The following FRMD6 variants were observed in gnomAD, a reference collection of about 807,000 sequenced individuals.
FRMD6 encodes FERM domain-containing protein 6.
Under a neutral mutation model 73.2 loss-of-function variants are expected in FRMD6, and 37 were observed. That is an observed-to-expected ratio of 0.51 (90% CI 0.39 to 0.66). FRMD6 has a LOEUF of 0.66. Ranked by LOEUF, FRMD6 falls within the 30% of genes least tolerant of loss-of-function variation. The pLI, the probability that FRMD6 is intolerant of heterozygous loss-of-function variation, is 0.00. For synonymous variants in FRMD6, 273 were observed against 282.2 expected, an observed-to-expected ratio of 0.97 and a Z score of 0.33; for missense variants, 714 against 780.5, an observed-to-expected ratio of 0.91 and a Z score of 1.02.
the FRMD6 span, among the ~76,000 whole-genome samples, chr14:51,425,291 C>G: frequency 6.6e-6 from 1 of 152,150 alleles, no homozygotes; most frequent in Non-Finnish European, 1.5e-5. Context: ...TCCACCACCT[C>G]GGTTCACAAG....
upstream of FRMD6, among the ~76,000 whole-genome samples, chr14:51,486,173 T>C (rs1327329083): frequency 6.6e-6 from 1 of 152,120 alleles, no homozygotes; most frequent in Non-Finnish European, 1.5e-5. Flanking sequence ...TAGCTGGGAC[T>C]ACAGGCGCCC....
chr14:51,538,879 C>T (rs1296336083), intron 1 of FRMD6, among the ~76,000 whole-genome samples: 1 of 152,100 alleles, frequency 6.6e-6, no homozygotes, highest in Non-Finnish European at 1.5e-5. Flanking sequence ...TTAGGATTAT[C>T]TTGTCTATTT....
intron 10 of FRMD6, among the ~76,000 whole-genome samples, chr14:51,716,238 T>C (rs1439760540): frequency 6.6e-6 from 1 of 152,068 alleles, no homozygotes; most frequent in African/African-American, 2.4e-5. Context: ...CTGGATTTCC[T>C]CCATTTAACA....
At chr14:51,619,758 T>A (rs1023539369) in intron 2 of FRMD6, among the ~76,000 whole-genome samples, 1 of 152,224 alleles carries the variant, frequency 6.6e-6, no homozygotes, top group Non-Finnish European at 1.5e-5. Flanking sequence ...AGCTACTTTG[T>A]ATGCTTTTTG....
chr14:51,466,181 T>C, the FRMD6 span, among the ~76,000 whole-genome samples: 3 of 152,206 alleles, frequency 2.0e-5, no homozygotes, highest in Non-Finnish European at 4.4e-5. Flanking sequence ...TGGATACAAG[T>C]CTTTTATATA....
At chr14:51,507,727 G>C (rs1218249703) in intron 1 of FRMD6, among the ~76,000 whole-genome samples, 1 of 151,732 alleles carries the variant, frequency 6.6e-6, no homozygotes, top group Non-Finnish European at 1.5e-5. Flanking sequence ...ACTCCAGAGT[G>C]AGTGTTTGTT....
intron 1 of FRMD6, among the ~76,000 whole-genome samples, chr14:51,677,820 T>C (rs1894502304): frequency 6.6e-6 from 1 of 152,176 alleles, no homozygotes; most frequent in Non-Finnish European, 1.5e-5. Context: ...TGTTCAGTGC[T>C]GAAGGACTTG....
At chr14:51,520,682 G>A (rs1313564360) in intron 1 of FRMD6, among the ~76,000 whole-genome samples, 1 of 152,156 alleles carries the variant, frequency 6.6e-6, no homozygotes, top group African/African-American at 2.4e-5. Context: ...TGGGTCCCTT[G>A]AGCCCAGGAG....
At chr14:51,649,933 A>AT (rs1426354918), upstream of FRMD6, 1 of 152,058 alleles carries the variant, frequency 6.6e-6, no homozygotes, top group East Asian at 1.9e-4. Flanking sequence ...AAATTTATTT[A>AT]TTTTTTATTT....
chr14:51,433,038 G>C, the FRMD6 span, among the ~76,000 whole-genome samples: 3 of 152,182 alleles, frequency 2.0e-5, no homozygotes, highest in African/African-American at 7.2e-5. Context: ...TGCCTGTCAG[G>C]CTGGCAAAAA....
chr14:51,479,998 A>G, the FRMD6 span, among the ~76,000 whole-genome samples: 2 of 152,208 alleles, frequency 1.3e-5, no homozygotes, highest in African/African-American at 2.4e-5. Context: ...TGATACTATA[A>G]GCAATTAATT....
chr14:51,498,037 C>G (rs991219631), intron 1 of FRMD6, among the ~76,000 whole-genome samples: 4 of 152,168 alleles, frequency 2.6e-5, no homozygotes, highest in Non-Finnish European at 4.4e-5. Context: ...GAGGAACAGT[C>G]TTACATTCTA....
At chr14:51,564,811 A>G (rs1376462051) in intron 1 of FRMD6, among the ~76,000 whole-genome samples, 1 of 152,252 alleles carries the variant, frequency 6.6e-6, no homozygotes, top group African/African-American at 2.4e-5. Flanking sequence ...TCACTCACAG[A>G]AAGTTTATCA....
intron 2 of FRMD6, among the ~76,000 whole-genome samples, chr14:51,599,607 A>G (rs2139795441): frequency 6.6e-6 from 1 of 152,294 alleles, no homozygotes; most frequent in African/African-American, 2.4e-5. Flanking sequence ...GCAAAGGTCT[A>G]ATATCTAGAA....
chr14:51,444,173 C>A, the FRMD6 span, among the ~76,000 whole-genome samples: 2 of 152,222 alleles, frequency 1.3e-5, no homozygotes, highest in African/African-American at 4.8e-5. Flanking sequence ...AGGTGATCCA[C>A]CCGCCTTGGC....
Position 51,727,733 on chromosome 14 carries a change from C to A in FRMD6, c.1585-12C>A, listed in dbSNP as rs765557151. The A allele has an allele frequency of 6.3e-7, 1 of 1,584,060 alleles. No homozygotes were observed. The highest frequency in any genetic ancestry group is 1.7e-5 in the Admixed American group (1 of 58,280). On this transcript the variant is annotated splice_polypyrimidine_tract_variant and intron_variant, in intron 13 of 13. Transcript: ENST00000344768. ...CACTTTAAAGTTGTTTCATCCTTCC[C>A]TTATCTTGCAGACTATATGTCGGAA...
At chr14:51,615,166 T>C (rs1890660124) in intron 2 of FRMD6, among the ~76,000 whole-genome samples, 1 of 152,244 alleles carries the variant, frequency 6.6e-6, no homozygotes, top group South Asian at 2.1e-4. Context: ...CAGCCTGTTC[T>C]AGCTGCTCTG....
intron 2 of FRMD6, among the ~76,000 whole-genome samples, chr14:51,611,756 G>A (rs1890515179): frequency 6.6e-6 from 1 of 152,176 alleles, no homozygotes; most frequent in Middle Eastern, 3.2e-3. Context: ...TGTTAATGCT[G>A]TCATACTACC....
chr14:51,637,791 A>G (rs1215578709), intron 2 of FRMD6: 2 of 152,258 alleles, frequency 1.3e-5, no homozygotes, highest in African/African-American at 4.8e-5. Flanking sequence ...TTAAATTCAC[A>G]AAACAAGTTG....
Sources: gnomAD v4.1 joint callset for allele counts (sites outside exome capture counted in the v4.1 genomes callset) on GRCh38, gnomAD v4.1.1 for gene constraint, MANE v1.5 for transcripts, NCBI Gene and HGNC (gene_info 2026-07-23, HGNC 2026-07-21) for gene names.